Variants in SV2C observed in about 807,000 individuals in gnomAD.
SV2C encodes synaptic vesicle glycoprotein 2C.
In SV2C, 49 loss-of-function variants were observed where a neutral mutation model predicts 79.7. That is an observed-to-expected ratio of 0.61 (90% CI 0.49 to 0.78). SV2C has a LOEUF of 0.78. Ranked by LOEUF, SV2C falls within the 30% of genes least tolerant of loss-of-function variation. The pLI is 0.00. For synonymous variants in SV2C, 334 were observed against 333.2 expected (o/e 1.00, Z -0.03); for missense variants, 833 against 912.9 (o/e 0.91, Z 1.13).
rs1306653629 is a variant in SV2C at position 76,298,843 on chromosome 5, A to C, written c.1552A>C (p.Lys518Gln). 4 of 1,613,876 alleles carry C rather than the reference A, an allele frequency of 2.5e-6. No individual in the cohort carries two copies. Among genetic ancestry groups the C allele is most frequent in the Non-Finnish European group, 3.4e-6 (4 of 1,179,904 alleles). The change falls in exon 10 of 13, where the codon AAG becomes CAG. Residue 518 changes from lysine to glutamine, a missense_variant. Transcript: ENST00000502798. ...TGTAACTTTCAAAGACTCTGTTTTT[A>C]AGTCCTGCACCTTTGAGGATGTAAC... Reference protein sequence around the residue: ...KSVTFKDSVFKSCTFEDVTSV... With the variant: ...KSVTFKDSVFQSCTFEDVTSV...
chr5:76,061,996 T>C, the SV2C span, among the ~76,000 whole-genome samples: 1 of 152,112 alleles, frequency 6.6e-6, no homozygotes, highest in Non-Finnish European at 1.5e-5. Flanking sequence ...AAGGAGTGTT[T>C]AGCTGAAATG....
At chr5:75,881,843 G>A in the SV2C span, among the ~76,000 whole-genome samples, 6 of 148,290 alleles carry the variant, frequency 4.0e-5, no homozygotes, top group Admixed American at 4.0e-4. Context: ...TGTTGAATAG[G>A]AGTGGTGAGA....
chr5:76,052,187 T>A, the SV2C span, among the ~76,000 whole-genome samples: 1 of 152,198 alleles, frequency 6.6e-6, no homozygotes. Context: ...CTTCTTCCAA[T>A]CAATTCTGAG....
At chr5:76,214,869 G>T (rs1027595030) in intron 4 of SV2C, among the ~76,000 whole-genome samples, 2 of 151,982 alleles carry the variant, frequency 1.3e-5, no homozygotes, top group Non-Finnish European at 2.9e-5. Context: ...TCTTGATTTT[G>T]TATGCTGTCA....
the SV2C span, among the ~76,000 whole-genome samples, chr5:75,899,318 C>T: frequency 8.5e-5 from 13 of 152,242 alleles, no homozygotes; most frequent in South Asian, 2.1e-4. Context: ...GCCTTCATTT[C>T]GTTATGTACC....
At chr5:76,038,363 G>C in the SV2C span, among the ~76,000 whole-genome samples, 1 of 152,202 alleles carries the variant, frequency 6.6e-6, no homozygotes, top group Non-Finnish European at 1.5e-5. Context: ...CTAAAAGTGG[G>C]AATAGTATGG....
chr5:76,220,600 G>A (rs183562296), intron 4 of SV2C, among the ~76,000 whole-genome samples: 3 of 145,190 alleles, frequency 2.1e-5, no homozygotes, highest in East Asian at 2.0e-4. Context: ...TGAACTTCCC[G>A]GGAAGGGACA....
intron 2 of SV2C, among the ~76,000 whole-genome samples, chr5:76,148,921 A>G (rs1178741908): frequency 5.9e-5 from 9 of 152,196 alleles, no homozygotes; most frequent in Non-Finnish European, 4.4e-5. Flanking sequence ...AATGGCCTTC[A>G]AAACTGCACA....
At chr5:76,155,178 AAAAG>A (rs1228971491) in intron 2 of SV2C, among the ~76,000 whole-genome samples, 1 of 152,238 alleles carries the variant, frequency 6.6e-6, no homozygotes, top group East Asian at 1.9e-4. Flanking sequence ...TTTAGAAACA[AAAAG>A]AAAGGCAGTT....
At chr5:76,006,092 C>A in the SV2C span, among the ~76,000 whole-genome samples, 2 of 152,212 alleles carry the variant, frequency 1.3e-5, no homozygotes, top group East Asian at 3.8e-4. Flanking sequence ...ATATCTATAA[C>A]CTCTCAGTGG....
the SV2C span, among the ~76,000 whole-genome samples, chr5:75,935,428 T>C: frequency 1.3e-5 from 2 of 152,204 alleles, no homozygotes; most frequent in Non-Finnish European, 2.9e-5. Context: ...ATTCCATTTC[T>C]AGGAGTCTAC....
the SV2C span, among the ~76,000 whole-genome samples, chr5:76,049,614 A>C: frequency 6.6e-6 from 1 of 152,226 alleles, no homozygotes; most frequent in African/African-American, 2.4e-5. Flanking sequence ...AATTCTATTT[A>C]ATAAGTTGTA....
At chr5:76,220,269 G>A (rs1745027047) in intron 4 of SV2C, among the ~76,000 whole-genome samples, 1 of 152,324 alleles carries the variant, frequency 6.6e-6, no homozygotes, top group East Asian at 1.9e-4. Flanking sequence ...CAATTTTGAA[G>A]TAGATACAAG....
intron 4 of SV2C, among the ~76,000 whole-genome samples, chr5:76,282,138 C>T (rs1747217036): frequency 6.6e-6 from 1 of 152,214 alleles, no homozygotes; most frequent in Non-Finnish European, 1.5e-5. Context: ...GGCACACACA[C>T]AATACCTTTA....
At chr5:76,031,312 A>C in the SV2C span, among the ~76,000 whole-genome samples, 42 of 152,348 alleles carry the variant, frequency 2.8e-4, no homozygotes, top group Non-Finnish European at 4.7e-4. Context: ...ATATGCACTC[A>C]GAGGGTCTGT....
At chr5:76,212,413 C>A (rs1744791651) in intron 4 of SV2C, among the ~76,000 whole-genome samples, 1 of 152,074 alleles carries the variant, frequency 6.6e-6, no homozygotes, top group African/African-American at 2.4e-5. Context: ...GAGGGCTCAA[C>A]CTGGCAAATT....
At chr5:76,061,268 T>TTA in the SV2C span, among the ~76,000 whole-genome samples, 3 of 51,618 alleles carry the variant, frequency 5.8e-5, no homozygotes. Context: ...CTTCAATTTG[T>TTA]AAAAAAAAAA....
the SV2C span, chr5:75,921,154 C>A: frequency 2.2e-6 from 2 of 906,028 alleles, no homozygotes; most frequent in South Asian, 1.5e-5. Context: ...CACCAATGAG[C>A]AAGTTGTTGG....
the SV2C span, among the ~76,000 whole-genome samples, chr5:75,982,240 A>G: frequency 5.0e-5 from 5 of 99,060 alleles, no homozygotes; most frequent in South Asian, 1.6e-3. Flanking sequence ...AATAAAAAGA[A>G]AAAAAAAAAG....
Sources: gnomAD v4.1 joint callset for allele counts (sites outside exome capture counted in the v4.1 genomes callset) on GRCh38, gnomAD v4.1.1 for gene constraint, MANE v1.5 for transcripts, NCBI Gene and HGNC (gene_info 2026-07-23, HGNC 2026-07-21) for gene names.